Variants in CSMD3 observed in about 807,000 individuals in gnomAD.
The protein encoded by CSMD3 is CUB and Sushi multiple domains 3, also known as CUB and sushi domain-containing protein 3.
A neutral mutation model predicts 435.2 loss-of-function variants in CSMD3; 177 were observed. That is an observed-to-expected ratio of 0.41 (90% CI 0.36 to 0.46). The LOEUF (loss-of-function observed/expected upper bound fraction) is 0.46. Ranked by LOEUF, CSMD3 falls within the 20% of genes least tolerant of loss-of-function variation. The pLI, the probability that CSMD3 is intolerant of heterozygous loss-of-function variation, is 0.34. For missense variants in CSMD3, 4,265 were observed against 4,504.6 expected, an observed-to-expected ratio of 0.95 and a Z score of 1.52; for synonymous variants, 1,656 against 1,520.5, an observed-to-expected ratio of 1.09 and a Z score of -2.07.
At chr8:112,871,126 T>C (rs527539363) in intron 10 of CSMD3, among the ~76,000 whole-genome samples, 1 of 152,274 alleles carries the variant, frequency 6.6e-6, no homozygotes, top group African/African-American at 2.4e-5. Context: ...CCATTAAACA[T>C]GGTTGAGTTG....
chr8:112,513,503 C>G (rs1345871830), intron 28 of CSMD3, among the ~76,000 whole-genome samples: 1 of 152,180 alleles, frequency 6.6e-6, no homozygotes, highest in South Asian at 2.1e-4. Flanking sequence ...CACCCCAAAA[C>G]AATTACAATA....
At chr8:113,305,005 CA>C (rs1445339594) in intron 2 of CSMD3, among the ~76,000 whole-genome samples, 1 of 149,614 alleles carries the variant, frequency 6.7e-6, no homozygotes, top group Non-Finnish European at 1.5e-5. Context: ...TTTGTAGGGA[CA>C]TGGATGAAAT....
At position 112,273,743 on chromosome 8, in the gene CSMD3, A is replaced by AT. The variant is rs35308528; in HGVS notation, c.9508+7430dup. Reference sequence around the variant, plus strand: ...TCTGTCTCAAAAAAAAAAAAAAAAAATTGAGTTGGAATGGTAAATCATGTA... The same window carrying AT: ...TCTGTCTCAAAAAAAAAAAAAAAAAATTTGAGTTGGAATGGTAAATCATGTA... On this transcript the variant is annotated intron_variant, in intron 59 of 70. Coordinates refer to ENST00000297405, the MANE Select transcript of CSMD3 (RefSeq NM_198123.2). 6.6e-4 allele frequency among the ~76,000 whole-genome samples: 100 copies of AT among 150,784 alleles called. 1 individual carries two copies. In the South Asian group the frequency reaches 0.02, roughly 31 times the overall value.
intron 13 of CSMD3, among the ~76,000 whole-genome samples, chr8:112,714,942 T>C (rs557202649): frequency 1.3e-5 from 2 of 152,134 alleles, no homozygotes; most frequent in African/African-American, 4.8e-5. Flanking sequence ...GATGGAAATT[T>C]ATAACACTAA....
intron 32 of CSMD3, among the ~76,000 whole-genome samples, chr8:112,409,649 T>C (rs965362339): frequency 2.6e-5 from 4 of 152,016 alleles, no homozygotes; most frequent in African/African-American, 7.2e-5. Context: ...AATTGAGATA[T>C]CATAAAATTT....
intron 2 of CSMD3, among the ~76,000 whole-genome samples, chr8:113,280,618 C>T (rs1213771541): frequency 6.6e-6 from 1 of 151,694 alleles, no homozygotes; most frequent in Non-Finnish European, 1.5e-5. Context: ...CTTTTTGTTT[C>T]ATTTATCTTT....
chr8:113,303,185 C>G (rs1383508328), intron 2 of CSMD3, among the ~76,000 whole-genome samples: 18 of 145,014 alleles, frequency 1.2e-4, no homozygotes, highest in Admixed American at 2.8e-4. Context: ...AATAAAATAC[C>G]TAGGAATCCA....
chr8:112,416,965 A>G (rs543604097), intron 32 of CSMD3, among the ~76,000 whole-genome samples: 1 of 152,276 alleles, frequency 6.6e-6, no homozygotes, highest in South Asian at 2.1e-4. Context: ...AAAGTCTTCA[A>G]ATTTGGTGGA....
intron 36 of CSMD3, among the ~76,000 whole-genome samples, chr8:112,389,074 A>G (rs1830198002): frequency 6.6e-6 from 1 of 152,232 alleles, no homozygotes; most frequent in Non-Finnish European, 1.5e-5. Context: ...CTGCTGACAG[A>G]GCAAGAAAGA....
chr8:112,453,675 T>C (rs1305667017), intron 32 of CSMD3, among the ~76,000 whole-genome samples: 2 of 152,202 alleles, frequency 1.3e-5, no homozygotes, highest in African/African-American at 2.4e-5. Flanking sequence ...ATTGTTAAAA[T>C]GGTCATATTG....
chr8:112,455,688 A>AT (rs1327140303), intron 32 of CSMD3, among the ~76,000 whole-genome samples: 11 of 150,984 alleles, frequency 7.3e-5, no homozygotes, highest in East Asian at 3.9e-4. Context: ...TTTTCCTAGC[A>AT]TTTTTTTTTC....
At chr8:113,310,952 C>A (rs191780287) in intron 2 of CSMD3, 1 of 151,700 alleles carries the variant, frequency 6.6e-6, no homozygotes, top group African/African-American at 2.4e-5. Flanking sequence ...TTAACAAATT[C>A]AATAAATTAA....
intron 27 of CSMD3, among the ~76,000 whole-genome samples, chr8:112,531,347 G>A (rs889826231): frequency 2.0e-5 from 3 of 152,042 alleles, no homozygotes; most frequent in Admixed American, 6.6e-5. Flanking sequence ...AGAGGCCTGA[G>A]GCTATCAATA....
At chr8:113,291,800 T>C (rs1210428513) in intron 2 of CSMD3, among the ~76,000 whole-genome samples, 2 of 151,882 alleles carry the variant, frequency 1.3e-5, no homozygotes, top group East Asian at 3.9e-4. Flanking sequence ...AGGTGTGTAT[T>C]CTACACAAAA....
At chr8:113,297,374 CTT>C (rs1291093619) in intron 2 of CSMD3, among the ~76,000 whole-genome samples, 1 of 151,878 alleles carries the variant, frequency 6.6e-6, no homozygotes, top group Non-Finnish European at 1.5e-5. Flanking sequence ...TTGATGGAAA[CTT>C]TGGAATTTCA....
intron 68 of CSMD3, among the ~76,000 whole-genome samples, chr8:112,231,974 G>C (rs992218768): frequency 2.0e-5 from 3 of 152,166 alleles, no homozygotes; most frequent in African/African-American, 7.2e-5. Flanking sequence ...TTCTATTACT[G>C]TTCCACATCC....
intron 31 of CSMD3, among the ~76,000 whole-genome samples, chr8:112,484,440 T>C (rs941607297): frequency 3.3e-5 from 5 of 152,120 alleles, no homozygotes; most frequent in Non-Finnish European, 7.4e-5. Context: ...TACTGTTATA[T>C]ACTTTATTTT....
chr8:112,825,961 G>A (rs115390941), intron 12 of CSMD3, among the ~76,000 whole-genome samples: 1,705 of 152,258 alleles, frequency 0.011, 31 homozygotes, highest in African/African-American at 0.038. Context: ...CTGGTCCCTG[G>A]AGACTGTGGC....
intron 11 of CSMD3, among the ~76,000 whole-genome samples, chr8:112,841,952 ACATTATGTGATTCTTG>A (rs751520962): frequency 3.3e-5 from 5 of 151,840 alleles, no homozygotes; most frequent in Non-Finnish European, 7.4e-5. Context: ...TTTGATATGT[ACATTATGTGATTCTTG>A]CTGTGTGAGG....
Sources: allele counts gnomAD v4.1 joint callset (sites outside exome capture counted in the v4.1 genomes callset), GRCh38; gene constraint gnomAD v4.1.1; transcripts MANE v1.5; gene names NCBI Gene and HGNC (gene_info 2026-07-23, HGNC 2026-07-21).